Variants in SMG1 observed in about 807,000 individuals in gnomAD.
SMG1 encodes the protein SMG1 nonsense mediated mRNA decay associated PI3K related kinase, also known as serine/threonine-protein kinase SMG1.
In SMG1, 22 loss-of-function variants were observed where a neutral mutation model predicts 419.9. That is an observed-to-expected ratio of 0.05 (90% confidence interval 0.04 to 0.07). SMG1 has a LOEUF of 0.07. Among genes scored for constraint, SMG1 ranks in the 10% least tolerant of loss-of-function variants. SMG1 has a pLI of 1.00. For synonymous variants in SMG1, 1,538 were observed against 1,553.5 expected, an observed-to-expected ratio of 0.99 and a Z score of 0.23; for missense variants, 3,185 against 4,342.0, an observed-to-expected ratio of 0.73 and a Z score of 7.49.
chr16:18,808,140 T>C lies in SMG1; in HGVS notation c.*1429A>G, dbSNP rs1319475943. On this transcript the variant is annotated 3_prime_UTR_variant, in exon 63 of 63. Transcript: ENST00000446231. ...CCCTATTCTAGTCTGGGTTTTTATT[T>C]TGGATCAGCAATTTAGCTTACACAG... 6.6e-6 allele frequency: 1 copy of C among 152,202 alleles called. No homozygotes were observed. Among genetic ancestry groups the C allele is most frequent in the Non-Finnish European group, 1.5e-5 (1 of 68,030 alleles). 9.4% of individuals were successfully genotyped at this position (152,202 alleles called of 1,614,324 possible).
In SMG1 at chr16:18,849,423, C is replaced by G. The variant is rs769490849; in HGVS notation, c.5462-45G>C. On this transcript the variant is annotated intron_variant, in intron 35 of 62. Transcript: ENST00000446231. ...AAAGACACTTTAAAGTTATTTAAAACTATGAAGAAACTATCAGCATCGTAG... is the reference window on the plus strand; with the variant it reads ...AAAGACACTTTAAAGTTATTTAAAAGTATGAAGAAACTATCAGCATCGTAG... The G allele has an allele frequency of 1.9e-6, 3 of 1,543,858 alleles. No homozygotes were observed. The South Asian group carries it at 3.5e-5, about 18-fold the overall frequency.
intron 7 of SMG1, 155 bp from the exon 8 acceptor site, chr16:18,885,317 T>C: frequency 3.1e-6 from 2 of 655,114 alleles, no homozygotes; most frequent in South Asian, 1.9e-5. Flanking sequence ...GGCAGGAAAA[T>C]AAAAGAACTA....
intron 1 of SMG1, among the ~76,000 whole-genome samples, chr16:18,898,532 G>A (rs1393074400): frequency 6.6e-6 from 1 of 152,058 alleles, no homozygotes; most frequent in Non-Finnish European, 1.5e-5. Context: ...CCTAAAAATA[G>A]CACATTTAAC....
chr16:18,904,167 G>A (rs976557823), intron 1 of SMG1, among the ~76,000 whole-genome samples: 2 of 150,176 alleles, frequency 1.3e-5, no homozygotes, highest in Non-Finnish European at 3.0e-5. Flanking sequence ...TCGATCTCCT[G>A]ATCTCGTGAT....
rs867590856 is a variant in SMG1 at position 18,904,174 on chromosome 16, T to C, written c.93-7218A>G. On this transcript the variant is annotated intron_variant, in intron 1 of 62. Coordinates refer to ENST00000446231, the MANE Select transcript of SMG1 (RefSeq NM_015092.5). The stretch of plus-strand genomic sequence containing the variant: ...GGATGGTCTCGATCTCCTGATCTCG[T>C]GATCCACCCACCTTGGCCTCCCAAA... 1.4e-4 allele frequency among the ~76,000 whole-genome samples: 21 copies of C among 150,618 alleles called. No individual in the cohort carries two copies. In the South Asian group the frequency reaches 4.0e-3, roughly 29 times the overall value.
At chr16:18,860,539 G>A in intron 26 of SMG1, 128 bp downstream of exon 26, 2 of 570,452 alleles carry the variant, frequency 3.5e-6, no homozygotes, top group South Asian at 4.1e-5. Context: ...TAAATTTGTT[G>A]CTTCACATGG....
intron 5 of SMG1, among the ~76,000 whole-genome samples, chr16:18,890,582 G>GACA (rs1340038921): frequency 6.6e-6 from 1 of 152,200 alleles, no homozygotes; most frequent in African/African-American, 2.4e-5. Context: ...CCCGAGAGGT[G>GACA]GAGGTTGCAG....
intron 1 of SMG1, among the ~76,000 whole-genome samples, chr16:18,904,668 G>T (rs1223315677): frequency 6.6e-6 from 1 of 152,018 alleles, no homozygotes; most frequent in Non-Finnish European, 1.5e-5. Context: ...CGGGTGAAGT[G>T]GCTCACGCCT....
chr16:18,854,819 A>T lies in SMG1; in HGVS notation c.4320T>A (p.Leu1440=), dbSNP rs372316171. 2.5e-6 allele frequency: 4 copies of T among 1,613,904 alleles called. No homozygotes were observed. Among genetic ancestry groups the T allele is most frequent in the African/African-American group, 2.7e-5 (2 of 74,930 alleles). Residue 1440 remains leucine (L), a synonymous_variant, in exon 30 of 63, where the codon CTT becomes CTA. Coordinates refer to ENST00000446231, the MANE Select transcript of SMG1 (RefSeq NM_015092.5). ...KFARKRGNVS[L]ATRLLAQCSE... The stretch of plus-strand genomic sequence containing the variant: ...TGCACTGTGCCAGCAGTCTTGTTGC[A>T]AGGGACACATTCCCTCGTTTTCTAG...
rs747057313 is a variant in SMG1 at position 18,808,932 on chromosome 16, G to A, written c.*637C>T. ...GGTGGGGAGGAGTAGGGAACGATGG[G>A]GTGGTTTTTTTCCCTTCATTTCAGA... On this transcript the variant is annotated 3_prime_UTR_variant, in exon 63 of 63. Transcript: ENST00000446231. The A allele has an allele frequency of 2.6e-5, 4 of 152,542 alleles. No individual in the cohort carries two copies. The highest frequency in any genetic ancestry group is 5.9e-5 in the Non-Finnish European group (4 of 68,018). 9.4% of individuals were successfully genotyped at this position (152,542 alleles called of 1,614,324 possible). A position where few individuals can be genotyped will look rare whatever the true frequency, so the allele number is the denominator to read the frequency against.
In SMG1 at chr16:18,841,872, G is replaced by C. The variant is rs982285662; in HGVS notation, c.6467-78C>G. On this transcript the variant is annotated intron_variant, in intron 40 of 62. Coordinates refer to ENST00000446231, the MANE Select transcript of SMG1 (RefSeq NM_015092.5). ...GCATACCACTCCTCTTTTTCAACTA[G>C]CAGTGGCAGTCAAAAACTGACAGTC... 3.3e-6 allele frequency: 4 copies of C among 1,219,428 alleles called. No individual in the cohort carries two copies. In the African/African-American group the frequency reaches 6.0e-5, roughly 18 times the overall value. The allele number at this position is 1,219,428 out of a possible 1,614,324, so 75.5% of individuals were successfully genotyped here.
intron 39 of SMG1, among the ~76,000 whole-genome samples, chr16:18,843,489 T>C (rs913860365): frequency 6.6e-6 from 1 of 152,130 alleles, no homozygotes; most frequent in Non-Finnish European, 1.5e-5. Flanking sequence ...TCCGCTTCCA[T>C]GTGAAAAAAT....
intron 13 of SMG1, among the ~76,000 whole-genome samples, chr16:18,873,250 G>GC: frequency 6.6e-6 from 1 of 152,054 alleles, no homozygotes; most frequent in Non-Finnish European, 1.5e-5. Context: ...AGAGTCTCTT[G>GC]CTCTGTTGCC....
At position 18,859,132 on chromosome 16, in the gene SMG1, G is replaced by A. The variant is rs1446154678; in HGVS notation, c.4003C>T (p.Leu1335=). Reference sequence around the variant, plus strand: ...GAAACTGTTAAAGTAGAAAGTCTCAGAGGTCCAATAGCGATGCGGGATGTT... The same window carrying A: ...GAAACTGTTAAAGTAGAAAGTCTCAAAGGTCCAATAGCGATGCGGGATGTT... ...KQTSRIAIGP[L]RLSTLTVSQS... is the part of the protein sequence containing the mutation. Residue 1335 remains leucine (L), a synonymous_variant, in exon 28 of 63, where the codon CTG becomes TTG. Coordinates refer to ENST00000446231, the MANE Select transcript of SMG1 (RefSeq NM_015092.5). 1 of 1,532,764 alleles carries A rather than the reference G, an allele frequency of 6.5e-7. No homozygotes were observed. Among genetic ancestry groups the A allele is most frequent in the Non-Finnish European group, 8.7e-7 (1 of 1,144,534 alleles). The allele number at this position is 1,532,764 out of a possible 1,614,324, so 94.9% of individuals were successfully genotyped here. A position where few individuals can be genotyped will look rare whatever the true frequency, so the allele number is the denominator to read the frequency against.
At chr16:18,916,788 A>G (rs1487511109) in intron 1 of SMG1, among the ~76,000 whole-genome samples, 2 of 152,112 alleles carry the variant, frequency 1.3e-5, no homozygotes, top group African/African-American at 4.8e-5. Flanking sequence ...CAGGTAACCA[A>G]AATAATGACA....
rs1291572580 is a variant in SMG1, at chr16:18,847,036, G to A, written c.5996+417C>T. Among the ~76,000 whole-genome samples, 8 of 145,154 alleles carry A rather than the reference G, an allele frequency of 5.5e-5. No homozygotes were observed. The Admixed American group carries it at 5.7e-4, about 10-fold the overall frequency. On this transcript the variant is annotated intron_variant, in intron 38 of 62. Coordinates refer to ENST00000446231, the MANE Select transcript of SMG1 (RefSeq NM_015092.5). ...ATGGACAAAACGGTATAATCATACA[G>A]TATTATTCAGCGATAAAAAAATGAA...
chr16:18,886,824 C>T (rs1315285860), intron 6 of SMG1, among the ~76,000 whole-genome samples: 5 of 151,914 alleles, frequency 3.3e-5, no homozygotes, highest in African/African-American at 9.7e-5. Flanking sequence ...AAAAAGAAAA[C>T]CATTATTTTG....
chr16:18,848,560 C>A (rs1243815963), intron 36 of SMG1, among the ~76,000 whole-genome samples: 2 of 151,914 alleles, frequency 1.3e-5, no homozygotes, highest in Non-Finnish European at 2.9e-5. Flanking sequence ...CCCTCCTCGG[C>A]CTCCCAAAGT....
intron 23 of SMG1, 46 bp from the exon 24 acceptor site, chr16:18,864,190 T>TC (rs71141080): frequency 0.22 from 169,264 of 768,108 alleles, 6,479 homozygotes; most frequent in Non-Finnish European, 0.23. Context: ...CTACTTACTT[T>TC]TTTTTTTTTT....
Sources: allele counts gnomAD v4.1 joint callset (sites outside exome capture counted in the v4.1 genomes callset), GRCh38; gene constraint gnomAD v4.1.1; transcripts MANE v1.5; gene names NCBI Gene and HGNC (gene_info 2026-07-23, HGNC 2026-07-21).